RAB11FIP3: variants seen among roughly 807,000 people sequenced by gnomAD.
RAB11FIP3 encodes rab11 family-interacting protein 3.
RAB11FIP3 carries 17 observed loss-of-function variants against 77.8 expected under a neutral mutation model. That is an observed-to-expected ratio of 0.22 (90% CI 0.15 to 0.33). The LOEUF (loss-of-function observed/expected upper bound fraction) is 0.33. RAB11FIP3 is among the 10% of genes least tolerant of loss of function. The probability of loss-of-function intolerance (pLI) is 1.00; values close to 1 mark genes in which losing one functional copy is unlikely to be tolerated. For synonymous variants in RAB11FIP3, 437 were observed against 448.2 expected, an observed-to-expected ratio of 0.98 and a Z score of 0.31; for missense variants, 1,005 against 1,011.2, an observed-to-expected ratio of 0.99 and a Z score of 0.08.
intron 5 of RAB11FIP3, among the ~76,000 whole-genome samples, chr16:492,645 G>T (rs373357425): frequency 4.5e-4 from 69 of 152,254 alleles, no homozygotes; most frequent in South Asian, 3.1e-3. Flanking sequence ...CGATGGCTCA[G>T]CCTGCTTGGG....
intron 2 of RAB11FIP3, among the ~76,000 whole-genome samples, chr16:470,109 G>C (rs1217588914): frequency 6.6e-6 from 1 of 151,922 alleles, no homozygotes; most frequent in Non-Finnish European, 1.5e-5. Flanking sequence ...TGATTCTCCT[G>C]CCTCAGCCTC....
chr16:500,482 A>C (rs1596284000), intron 6 of RAB11FIP3, among the ~76,000 whole-genome samples: 1 of 151,916 alleles, frequency 6.6e-6, no homozygotes, highest in Non-Finnish European at 1.5e-5. Context: ...GGAGTTTGAG[A>C]CCAGCCTGGC....
At chr16:433,843 G>A (rs534615867) in intron 1 of RAB11FIP3, among the ~76,000 whole-genome samples, 194 of 147,936 alleles carry the variant, frequency 1.3e-3, no homozygotes, top group Non-Finnish European at 2.0e-3. Context: ...GTGACAGAGC[G>A]AGACTCTGTC....
rs546758006 is a variant in RAB11FIP3 at position 519,470 on chromosome 16, G to C, written c.1723-284G>C. ...ATGAACCAGAGGAGCCCGGCTGGAG[G>C]TGCCCACAGCCACTGAGTCAGGTCC... On this transcript the variant is annotated intron_variant, in intron 10 of 13. Transcript: ENST00000262305. 2.2e-3 allele frequency among the ~76,000 whole-genome samples: 329 copies of C among 152,352 alleles called. 5 individuals are homozygous for C. The highest frequency in any genetic ancestry group is 7.6e-3 in the African/African-American group (315 of 41,586).
rs1416130928 is a variant in RAB11FIP3 at position 520,794 on chromosome 16, C to T, written c.2226C>T (p.Ile742=). The part of the protein sequence containing the change: ...FRLQDYIDRI[I]VAIMETNPSI... ...TGCAGGACTACATCGACAGGATCAT[C>T]GTGGCCATCATGGAGACCAACCCGT... is the stretch of plus-strand genomic sequence containing the variant. The change falls in exon 14 of 14, where the codon ATC becomes ATT. Residue 742 remains isoleucine, a synonymous_variant. Transcript: ENST00000262305. The T allele has an allele frequency of 5.0e-6, 8 of 1,613,688 alleles. No individual in the cohort carries two copies. The highest frequency in any genetic ancestry group is 2.2e-5 in the East Asian group (1 of 44,884).
intron 9 of RAB11FIP3, among the ~76,000 whole-genome samples, chr16:516,738 G>A (rs1390051847): frequency 1.3e-5 from 2 of 152,180 alleles, no homozygotes; most frequent in African/African-American, 2.4e-5. Context: ...TTAGCCAGGC[G>A]CGGTGGCGGC....
chr16:436,043 ACT>A (rs901151714), intron 1 of RAB11FIP3, among the ~76,000 whole-genome samples: 1 of 152,012 alleles, frequency 6.6e-6, no homozygotes, highest in African/African-American at 2.4e-5. Flanking sequence ...AGGCACGGTG[ACT>A]CACACCTGTA....
rs900589441 is a variant in RAB11FIP3, at chr16:493,936, A to C, written c.1266-2888A>C. 9.9e-4 allele frequency among the ~76,000 whole-genome samples: 122 copies of C among 123,460 alleles called. 4 individuals carry two copies. The highest frequency in any genetic ancestry group is 1.9e-3 in the Non-Finnish European group (111 of 59,448). 81.0% of individuals were successfully genotyped at this position (123,460 alleles called of 152,430 possible). On this transcript the variant is annotated intron_variant, in intron 5 of 13. Coordinates refer to ENST00000262305, the MANE Select transcript of RAB11FIP3 (RefSeq NM_014700.4). The stretch of plus-strand genomic sequence containing the variant: ...TTTTCTTTTTTGAGACAGAGTCTCG[A>C]TCTGTCACCCAGGCTGGAGTGCGGT...
intron 1 of RAB11FIP3, among the ~76,000 whole-genome samples, chr16:458,217 G>A (rs555937214): frequency 6.6e-6 from 1 of 152,256 alleles, no homozygotes; most frequent in Non-Finnish European, 1.5e-5. Flanking sequence ...TGTGTGCTTC[G>A]GGCTCTCTGG....
intron 4 of RAB11FIP3, among the ~76,000 whole-genome samples, chr16:483,650 A>G (rs1483713215): frequency 6.6e-6 from 1 of 152,150 alleles, no homozygotes; most frequent in East Asian, 1.9e-4. Context: ...CACCCTGTAG[A>G]GAATCTCCTC....
At chr16:467,614 G>A (rs1342677137) in intron 2 of RAB11FIP3, among the ~76,000 whole-genome samples, 1 of 108,278 alleles carries the variant, frequency 9.2e-6, no homozygotes, top group South Asian at 3.2e-4. Flanking sequence ...GTGCTGGGGC[G>A]TCAGGGAGGA....
intron 9 of RAB11FIP3, among the ~76,000 whole-genome samples, chr16:511,043 TAGG>T (rs1013578390): frequency 7.9e-6 from 1 of 127,334 alleles, no homozygotes; most frequent in African/African-American, 3.2e-5. Flanking sequence ...GCCGGCCAGG[TAGG>T]AGAAGTTCCC....
chr16:515,783 G>C (rs981622682), intron 9 of RAB11FIP3, among the ~76,000 whole-genome samples: 1 of 152,150 alleles, frequency 6.6e-6, no homozygotes, highest in Non-Finnish European at 1.5e-5. Flanking sequence ...CACGGACCGG[G>C]GTTTGCATCT....
At chr16:497,372 A>G (rs2031226344) in intron 6 of RAB11FIP3, 2 of 1,300,940 alleles carry the variant, frequency 1.5e-6, no homozygotes, top group African/African-American at 3.0e-5. Flanking sequence ...GTTCTTACCG[A>G]AATAAACATG....
At chr16:444,917 A>G (rs564392752) in intron 1 of RAB11FIP3, among the ~76,000 whole-genome samples, 1 of 151,754 alleles carries the variant, frequency 6.6e-6, no homozygotes, top group Admixed American at 6.6e-5. Flanking sequence ...GACCGAGCCC[A>G]TGCTGGCTAA....
chr16:519,854 G>C lies in RAB11FIP3; in HGVS notation c.1823G>C (p.Arg608Thr). The change falls in exon 11 of 14, where the codon AGG (arginine) becomes ACG (threonine). Residue 608 changes from arginine to threonine, a missense_variant. Arg to Thr is a moderately conservative substitution (Grantham distance 71). Coordinates refer to ENST00000262305, the MANE Select transcript of RAB11FIP3 (RefSeq NM_014700.4). ...ATGGGGGACAGGCTGAGTCACGAGAGGCACCAGTTCCAGAGGGACAAGGAG... is the reference window on the plus strand; with the variant it reads ...ATGGGGGACAGGCTGAGTCACGAGACGCACCAGTTCCAGAGGGACAAGGAG... ...RRMGDRLSHE[R>T]HQFQRDKEAT... 1 of 1,599,400 alleles carries C rather than the reference G, an allele frequency of 6.3e-7. No homozygotes were observed. Among genetic ancestry groups the C allele is most frequent in the Non-Finnish European group, 8.5e-7 (1 of 1,173,238 alleles).
chr16:469,307 C>A (rs1567374924), intron 2 of RAB11FIP3, among the ~76,000 whole-genome samples: 1 of 152,172 alleles, frequency 6.6e-6, no homozygotes, highest in South Asian at 2.1e-4. Context: ...AACTCCTGAA[C>A]TCGTGATCTG....
chr16:512,785 C>T (rs1158203572), intron 9 of RAB11FIP3, among the ~76,000 whole-genome samples: 1 of 152,030 alleles, frequency 6.6e-6, no homozygotes, highest in Admixed American at 6.6e-5. Context: ...TCAGGTAATC[C>T]ACCCGCCTCA....
intron 4 of RAB11FIP3, 56 bp downstream of exon 4, chr16:482,792 A>T (rs1042624065): frequency 6.6e-7 from 1 of 1,519,812 alleles, no homozygotes; most frequent in Non-Finnish European, 8.8e-7. Context: ...CACCCTGTGG[A>T]GGTGTCTGAT....
Sources: allele counts gnomAD v4.1 joint callset (sites outside exome capture counted in the v4.1 genomes callset), GRCh38; gene constraint gnomAD v4.1.1; transcripts MANE v1.5; gene names NCBI Gene and HGNC (gene_info 2026-07-23, HGNC 2026-07-21).